FMO3: variants seen among roughly 807,000 people sequenced by gnomAD.
The protein encoded by FMO3 is flavin containing dimethylaniline monoxygenase 3, also known as flavin-containing monooxygenase 3.
A neutral mutation model predicts 39.4 loss-of-function variants in FMO3; 40 were observed. The ratio of observed to expected loss-of-function variants is 1.02; its 90% confidence interval spans 0.79 to 1.32. FMO3 has a LOEUF of 1.32. Ranked by LOEUF, FMO3 falls within the 40% of genes most tolerant of loss-of-function variation. The pLI, the probability that FMO3 is intolerant of heterozygous loss-of-function variation, is 0.00. For missense variants in FMO3, 680 were observed against 651.8 expected (o/e 1.04, Z -0.47); for synonymous variants, 219 against 228.8 (o/e 0.96, Z 0.39).
At chr1:171,107,863 C>A (rs1655718191) in intron 4 of FMO3, 26 bp downstream of exon 4, 11 of 1,606,104 alleles carry the variant, frequency 6.8e-6, no homozygotes, top group Non-Finnish European at 9.4e-6. Flanking sequence ...AAGCTGCTAG[C>A]CACATAACTG....
In FMO3 at chr1:171,114,131, A is replaced by G; in HGVS notation, c.952A>G (p.Ile318Val). The G allele has an allele frequency of 3.1e-6, 5 of 1,614,048 alleles. No individual in the cohort carries two copies. The highest frequency in any genetic ancestry group is 4.2e-6 in the Non-Finnish European group (5 of 1,179,956). ...CTCGGCCATTTTTGAGGATGGGACC[A>G]TATTTGAGGGCATTGACTGTGTAAT... is the stretch of plus-strand genomic sequence containing the variant. ...ETSAIFEDGT[I>V]FEGIDCVIFA... Residue 318 changes from isoleucine (I) to valine (V), a missense_variant, in exon 7 of 9, where the codon ATA becomes GTA. Transcript: ENST00000367755.
chr1:171,095,318 A>G, intron 2 of FMO3, among the ~76,000 whole-genome samples: 1 of 152,136 alleles, frequency 6.6e-6, no homozygotes, highest in East Asian at 1.9e-4. Context: ...TCCCGTGCAT[A>G]TGTAATAAGG....
chr1:171,112,179 T>C (rs966308284), intron 6 of FMO3, among the ~76,000 whole-genome samples: 2 of 152,186 alleles, frequency 1.3e-5, no homozygotes, highest in African/African-American at 4.8e-5. Flanking sequence ...TGCCAGGAGA[T>C]AAAACCAGAG....
In FMO3 at chr1:171,092,793, G is replaced by C. The variant is rs1023133285; in HGVS notation, c.132+3G>C. On this transcript the variant is annotated splice_donor_region_variant and intron_variant, in intron 2 of 8. Transcript: ENST00000367755. ...TTGGGGGCCTGTGGAAATTTTCAGT[G>C]AGTAGCATGTTGTTGTAATAGACAG... The C allele has an allele frequency of 6.2e-7, 1 of 1,613,650 alleles. No individual in the cohort carries two copies. The highest frequency in any genetic ancestry group is 2.2e-5 in the East Asian group (1 of 44,878).
intron 6 of FMO3, 97 bp from the exon 7 acceptor site, chr1:171,113,910 T>G: frequency 1.2e-6 from 1 of 861,376 alleles, no homozygotes; most frequent in Non-Finnish European, 1.8e-6. Flanking sequence ...AAAAAAAATC[T>G]TGGGTCATTT....
rs79573936 is a variant in FMO3 at position 171,111,377 on chromosome 1, G to C, written c.827+380G>C. Among the ~76,000 whole-genome samples the C allele has an allele frequency of 4.8e-3, 725 of 152,216 alleles. 4 individuals are homozygous for C. The highest frequency in any genetic ancestry group is 0.011 in the South Asian group (55 of 4,820). On this transcript the variant is annotated intron_variant, in intron 6 of 8. Coordinates refer to ENST00000367755, the MANE Select transcript of FMO3 (RefSeq NM_001002294.3). ...TCCATTTTAGAGATGAGATAACTGCGTTTCAGTGTAGTTAATAACTTTACT... is the reference window on the plus strand; with the variant it reads ...TCCATTTTAGAGATGAGATAACTGCCTTTCAGTGTAGTTAATAACTTTACT...
intron 8 of FMO3, 25 bp downstream of exon 8, chr1:171,116,305 G>T: frequency 8.1e-7 from 1 of 1,233,762 alleles, no homozygotes; most frequent in Non-Finnish European, 1.2e-6. Flanking sequence ...TGTAATAGGA[G>T]TGTAGGATTT....
rs141280604 is a variant in FMO3, at chr1:171,116,246, G to T, written c.1222G>T (p.Asp408Tyr). 2.9e-4 allele frequency: 462 copies of T among 1,605,088 alleles called. No homozygotes were observed. Among genetic ancestry groups the T allele is most frequent in the Non-Finnish European group, 3.0e-4 (347 of 1,172,154 alleles). ...TLPSMEDMMNDINEKMEKKRK... is the reference protein window; with the variant it reads ...TLPSMEDMMNYINEKMEKKRK... ...GCCTTCTATGGAAGACATGATGAATGATATTAATGAGAAAATGGAGAAAAA... is the reference window on the plus strand; with the variant it reads ...GCCTTCTATGGAAGACATGATGAATTATATTAATGAGAAAATGGAGAAAAA... The change falls in exon 8 of 9, where the codon GAT (aspartate) becomes TAT (tyrosine). Residue 408 changes from aspartate (D) to tyrosine (Y), a missense_variant. Physicochemically the swap from Asp to Tyr is radical, Grantham distance 160 (BLOSUM62 -3). Coordinates refer to ENST00000367755, the MANE Select transcript of FMO3 (RefSeq NM_001002294.3).
intron 7 of FMO3, among the ~76,000 whole-genome samples, chr1:171,115,568 TG>T (rs879522789): frequency 6.6e-6 from 1 of 152,210 alleles, no homozygotes; most frequent in Non-Finnish European, 1.5e-5. Flanking sequence ...TCTTTCAAGT[TG>T]ATACCAAGAT....
intron 5 of FMO3, among the ~76,000 whole-genome samples, chr1:171,109,523 C>CTTATTTTT (rs1655802264): frequency 1.5e-5 from 1 of 66,344 alleles, no homozygotes; most frequent in Non-Finnish European, 3.1e-5. Flanking sequence ...CCTTTAGTCT[C>CTTATTTTT]TTCTTTTTTT....
At chr1:171,101,703 T>A (rs1169565808) in intron 2 of FMO3, 1 of 508,790 alleles carries the variant, frequency 2.0e-6, no homozygotes, top group East Asian at 5.6e-5. Context: ...ATGATGTATT[T>A]CCCTCACCTT....
At chr1:171,112,072 A>C (rs1372960092) in intron 6 of FMO3, among the ~76,000 whole-genome samples, 1 of 152,152 alleles carries the variant, frequency 6.6e-6, no homozygotes, top group Non-Finnish European at 1.5e-5. Context: ...GGTATTCCAG[A>C]CTGAGGACAC....
intron 2 of FMO3, among the ~76,000 whole-genome samples, chr1:171,096,874 T>G (rs1655119110): frequency 6.6e-6 from 1 of 151,098 alleles, no homozygotes; most frequent in South Asian, 2.1e-4. Context: ...TGTGCCATGT[T>G]GGTGTGCGGC....
chr1:171,104,600 T>G (rs193160599), intron 3 of FMO3, among the ~76,000 whole-genome samples: 12 of 152,202 alleles, frequency 7.9e-5, no homozygotes, highest in Admixed American at 3.3e-4. Context: ...AGGAGCCAAG[T>G]GCAATGGCCC....
chr1:171,094,630 T>C (rs1370885588), intron 2 of FMO3, among the ~76,000 whole-genome samples: 2 of 152,252 alleles, frequency 1.3e-5, no homozygotes, highest in East Asian at 1.9e-4. Flanking sequence ...TGGTGAGAGA[T>C]AGGGGTCCAC....
intron 2 of FMO3, among the ~76,000 whole-genome samples, chr1:171,102,405 A>T (rs955559665): frequency 5.3e-5 from 8 of 152,230 alleles, no homozygotes; most frequent in Admixed American, 3.9e-4. Context: ...CCAAGGCTCC[A>T]CCTCTTCCTA....
chr1:171,112,623 ACAGAAGTT>A (rs1341052364), intron 6 of FMO3, among the ~76,000 whole-genome samples: 1 of 152,182 alleles, frequency 6.6e-6, no homozygotes, highest in Non-Finnish European at 1.5e-5. Flanking sequence ...TGCAGGAGGA[ACAGAAGTT>A]CAGTTTTAGA....
chr1:171,103,797 G>A lies in FMO3; in HGVS notation c.145G>A (p.Glu49Lys), dbSNP rs759364145. Residue 49 changes from glutamate (E) to lysine (K), a missense_variant, in exon 3 of 9, where the codon GAG becomes AAG. Glu to Lys is a moderately conservative substitution (Grantham distance 56). Coordinates refer to ENST00000367755, the MANE Select transcript of FMO3 (RefSeq NM_001002294.3). ...GLWKFSDHAE[E>K]GRASIYKSVF... ...TATACATTCACAGGACCATGCAGAG[G>A]AGGGCAGGGCTAGCATTTACAAATC... 2 of 1,613,300 alleles carry A rather than the reference G, an allele frequency of 1.2e-6. No individual in the cohort carries two copies. Among genetic ancestry groups the A allele is most frequent in the South Asian group, 2.2e-5 (2 of 91,062 alleles).
chr1:171,099,045 A>G (rs2204790), intron 2 of FMO3, among the ~76,000 whole-genome samples: 33,497 of 151,772 alleles, frequency 0.22, 3,851 homozygotes, highest in South Asian at 0.28. Flanking sequence ...AGTGCTATCA[A>G]TTTCCCTCTA....
Sources: allele counts gnomAD v4.1 joint callset (sites outside exome capture counted in the v4.1 genomes callset), GRCh38; gene constraint gnomAD v4.1.1; transcripts MANE v1.5; gene names NCBI Gene and HGNC (gene_info 2026-07-23, HGNC 2026-07-21).